LCORL: variants seen among roughly 807,000 people sequenced by gnomAD.
LCORL encodes ligand-dependent nuclear receptor corepressor-like protein.
In LCORL, 41 loss-of-function variants were observed where a neutral mutation model predicts 141.8. The observed-to-expected ratio is 0.29, with a 90% CI of 0.23 to 0.38. The LOEUF is 0.38. Ranked by LOEUF, LCORL falls within the 10% of genes least tolerant of loss-of-function variation. The probability of loss-of-function intolerance (pLI) is 1.00; values close to 1 mark genes in which losing one functional copy is unlikely to be tolerated. For missense variants in LCORL, 1,759 were observed against 2,035.0 expected, an observed-to-expected ratio of 0.86 and a Z score of 2.61; for synonymous variants, 618 against 694.1, an observed-to-expected ratio of 0.89 and a Z score of 1.72.
chr4:17,995,389 G>A (rs1056843677), intron 1 of LCORL, among the ~76,000 whole-genome samples: 1 of 151,978 alleles, frequency 6.6e-6, no homozygotes, highest in African/African-American at 2.4e-5. Context: ...TGTGGGAAGA[G>A]GCCAACTGTG....
chr4:17,946,378 T>C (rs539812649), intron 4 of LCORL, among the ~76,000 whole-genome samples: 3 of 152,164 alleles, frequency 2.0e-5, no homozygotes, highest in South Asian at 4.1e-4. Flanking sequence ...GTAATGTGTA[T>C]AAACATGCAG....
chr4:17,987,114 A>C (rs1297135446), intron 1 of LCORL, among the ~76,000 whole-genome samples: 28 of 152,176 alleles, frequency 1.8e-4, no homozygotes, highest in Admixed American at 1.8e-3. Context: ...AAACGGTATA[A>C]AACAGAAAAT....
intron 1 of LCORL, among the ~76,000 whole-genome samples, chr4:17,980,241 CAG>C (rs900442192): frequency 2.6e-5 from 4 of 152,198 alleles, no homozygotes; most frequent in Admixed American, 2.6e-4. Context: ...TTGATTGACT[CAG>C]GGTACAGATC....
chr4:17,958,451 A>C (rs992275408), intron 4 of LCORL, among the ~76,000 whole-genome samples: 1 of 152,002 alleles, frequency 6.6e-6, no homozygotes, highest in Non-Finnish European at 1.5e-5. Context: ...CTGAATCATA[A>C]GCCAGTGACT....
intron 1 of LCORL, among the ~76,000 whole-genome samples, chr4:17,992,287 T>C (rs989170651): frequency 5.3e-5 from 8 of 152,074 alleles, no homozygotes; most frequent in Non-Finnish European, 1.2e-4. Context: ...TATAAAACCA[T>C]CAGATCTCGT....
chr4:17,894,050 C>T (rs1438812573), intron 5 of LCORL, among the ~76,000 whole-genome samples: 1 of 152,144 alleles, frequency 6.6e-6, no homozygotes, highest in Non-Finnish European at 1.5e-5. Flanking sequence ...CCACCTGCCT[C>T]AGCATCTCAA....
chr4:17,954,295 A>G (rs1357827771), intron 4 of LCORL, among the ~76,000 whole-genome samples: 2 of 152,046 alleles, frequency 1.3e-5, no homozygotes, highest in Non-Finnish European at 2.9e-5. Context: ...GAAGTTAGCA[A>G]TGTGCACTGG....
chr4:17,948,092 G>A (rs1017801884), intron 4 of LCORL, among the ~76,000 whole-genome samples: 3 of 151,952 alleles, frequency 2.0e-5, no homozygotes, highest in Non-Finnish European at 4.4e-5. Flanking sequence ...TAATGGCTTT[G>A]TTTTAAAAGA....
chr4:17,927,307 T>C (rs548973007), intron 4 of LCORL, among the ~76,000 whole-genome samples: 1 of 152,360 alleles, frequency 6.6e-6, no homozygotes, highest in East Asian at 1.9e-4. Flanking sequence ...CTTAACGGAA[T>C]GTCATGGCCG....
intron 1 of LCORL, among the ~76,000 whole-genome samples, chr4:18,005,061 G>A (rs914443140): frequency 6.6e-6 from 1 of 152,060 alleles, no homozygotes; most frequent in Non-Finnish European, 1.5e-5. Flanking sequence ...GGGATTACAG[G>A]TGCCTGCCAC....
At chr4:17,901,056 T>A (rs997483664) in intron 5 of LCORL, among the ~76,000 whole-genome samples, 1 of 152,110 alleles carries the variant, frequency 6.6e-6, no homozygotes, top group African/African-American at 2.4e-5. Context: ...GACAGAAATG[T>A]ATTGTTCTTT....
At chr4:17,903,706 G>T (rs1473888985) in intron 5 of LCORL, among the ~76,000 whole-genome samples, 3 of 151,958 alleles carry the variant, frequency 2.0e-5, no homozygotes, top group Non-Finnish European at 4.4e-5. Flanking sequence ...AAAGTACAAT[G>T]GAGAGGAAAA....
chr4:17,999,062 CACTTATCAAGTATTATGT>C (rs1721478419), intron 1 of LCORL, among the ~76,000 whole-genome samples: 1 of 144,074 alleles, frequency 6.9e-6, no homozygotes, highest in Non-Finnish European at 1.5e-5. Flanking sequence ...GTAACACATT[CACTTATCAAGTATTATGT>C]ACTGTACATA....
At chr4:17,907,083 A>C (rs1731759618) in intron 5 of LCORL, among the ~76,000 whole-genome samples, 2 of 152,180 alleles carry the variant, frequency 1.3e-5, no homozygotes, top group Admixed American at 1.3e-4. Context: ...TTTCCTTAGA[A>C]ATATTCTTTC....
chr4:17,842,193 A>C (rs943289533), exon 8 of LCORL: 8 of 778,662 alleles, frequency 1.0e-5, no homozygotes, highest in African/African-American at 3.5e-5. Context: ...AGTAGGAGAT[A>C]CATGTGTTGA....
At chr4:17,877,151 T>C (rs1279402915) in exon 7 of LCORL, 10 of 1,230,768 alleles carry the variant, frequency 8.1e-6, no homozygotes, top group East Asian at 6.3e-5. Flanking sequence ...AGTTGCGCAT[T>C]GCAAATAAAG....
intron 1 of LCORL, among the ~76,000 whole-genome samples, chr4:18,014,227 A>C (rs187842877): frequency 1.2e-4 from 19 of 152,314 alleles, no homozygotes; most frequent in Non-Finnish European, 2.6e-4. Flanking sequence ...TGAGTTGTCT[A>C]AAGAAGAAAC....
At chr4:17,923,054 C>T (rs751597137) in intron 4 of LCORL, among the ~76,000 whole-genome samples, 26 of 152,216 alleles carry the variant, frequency 1.7e-4, no homozygotes, top group Non-Finnish European at 3.4e-4. Context: ...AGACCTATAA[C>T]TAAAGTCCCG....
intron 5 of LCORL, among the ~76,000 whole-genome samples, chr4:17,893,790 T>A (rs1231729975): frequency 6.6e-6 from 1 of 152,142 alleles, no homozygotes; most frequent in Non-Finnish European, 1.5e-5. Context: ...CACATTTGAT[T>A]CTAAGGTTAT....
Sources: gnomAD v4.1 joint callset for allele counts (sites outside exome capture counted in the v4.1 genomes callset) on GRCh38, gnomAD v4.1.1 for gene constraint, MANE v1.5 for transcripts, NCBI Gene and HGNC (gene_info 2026-07-23, HGNC 2026-07-21) for gene names.